Variants in CKAP2L observed in about 807,000 individuals in gnomAD.
CKAP2L encodes cytoskeleton-associated protein 2-like.
In CKAP2L, 42 loss-of-function variants were observed where a neutral mutation model predicts 65.7. That is an observed-to-expected ratio of 0.64 (90% CI 0.50 to 0.83). The LOEUF (loss-of-function observed/expected upper bound fraction) is 0.83, where lower values mean the gene tolerates loss of function less well. Ranked by LOEUF, CKAP2L falls within the 40% of genes least tolerant of loss-of-function variation. The pLI, the probability that CKAP2L is intolerant of heterozygous loss-of-function variation, is 0.00. For synonymous variants in CKAP2L, 325 were observed against 313.5 expected (o/e 1.04, Z -0.39); for missense variants, 908 against 871.0 (o/e 1.04, Z -0.53).
chr2:112,759,323 C>T (rs1034519770), intron 3 of CKAP2L, among the ~76,000 whole-genome samples: 3 of 152,130 alleles, frequency 2.0e-5, no homozygotes, highest in Admixed American at 1.3e-4. Flanking sequence ...TGTATATAAA[C>T]ATGTCTGGGT....
Position 112,741,015 on chromosome 2 carries a change from T to G in CKAP2L, c.1823-8A>C, listed in dbSNP as rs910339737. 1.1e-5 allele frequency: 17 copies of G among 1,574,592 alleles called. No individual in the cohort carries two copies. The African/African-American group carries it at 1.9e-4, about 18-fold the overall frequency. On this transcript the variant is annotated splice_polypyrimidine_tract_variant and splice_region_variant and intron_variant, in intron 7 of 8. Transcript: ENST00000302450. ...AAGAGTCAGAAGTAATCCCTGTGTA[T>G]GTAAGATCATGAAGGAAAGTAAGAT...
intron 4 of CKAP2L, among the ~76,000 whole-genome samples, chr2:112,753,766 G>A (rs1680451728): frequency 6.6e-6 from 1 of 152,062 alleles, no homozygotes; most frequent in Admixed American, 6.5e-5. Flanking sequence ...GACCTCAAGT[G>A]ATCTGACCAC....
intron 5 of CKAP2L, among the ~76,000 whole-genome samples, chr2:112,750,670 T>C (rs1680346309): frequency 6.6e-6 from 1 of 152,208 alleles, no homozygotes; most frequent in Non-Finnish European, 1.5e-5. Context: ...AATTACATTC[T>C]TTCTGTGGTT....
intron 5 of CKAP2L, among the ~76,000 whole-genome samples, chr2:112,747,024 C>T (rs560866276): frequency 5.9e-5 from 9 of 151,854 alleles, no homozygotes; most frequent in East Asian, 3.9e-4. Flanking sequence ...CTCCTGACCT[C>T]GTGATCCGCC....
intron 2 of CKAP2L, among the ~76,000 whole-genome samples, chr2:112,761,815 A>G (rs1680732091): frequency 6.6e-6 from 1 of 152,244 alleles, no homozygotes; most frequent in African/African-American, 2.4e-5. Flanking sequence ...TAGGTACTAA[A>G]TAAATATTTG....
chr2:112,760,892 C>A, intron 2 of CKAP2L, 128 bp from the exon 3 acceptor site: 2 of 599,602 alleles, frequency 3.3e-6, no homozygotes, highest in Non-Finnish European at 3.0e-6. Flanking sequence ...CAAAATAATT[C>A]AAAATTATAT....
intron 2 of CKAP2L, among the ~76,000 whole-genome samples, chr2:112,761,567 G>T (rs776236063): frequency 1.6e-5 from 2 of 122,692 alleles, no homozygotes; most frequent in Non-Finnish European, 3.4e-5. Context: ...AAAAAACCAA[G>T]ACACACATGA....
Position 112,742,922 on chromosome 2 carries a change from T to C in CKAP2L, c.1759-153A>G, listed in dbSNP as rs1044232157. On this transcript the variant is annotated intron_variant, in intron 6 of 8. Transcript: ENST00000302450. ...TCTTTTGTCTAGCTTGACAGTTTTA[T>C]AGCTTCATGAGAAAAGTAAAGGAAC... The C allele has an allele frequency of 3.0e-5, 18 of 590,398 alleles. No homozygotes were observed. In the Middle Eastern group the frequency reaches 1.3e-3, roughly 43 times the overall value. The allele number at this position is 590,398 out of a possible 1,614,324, so 36.6% of individuals were successfully genotyped here.
intron 3 of CKAP2L, among the ~76,000 whole-genome samples, chr2:112,760,332 A>G (rs150386649): frequency 2.3e-3 from 343 of 152,294 alleles, no homozygotes; most frequent in African/African-American, 7.9e-3. Flanking sequence ...TAATAGCTAT[A>G]CGACCTATTT....
chr2:112,760,766 T>A lies in CKAP2L; in HGVS notation c.105-2A>T. ...TTATTCTTGGATTTTAGATAAGGCC[T>A]ATAAAAGACAAATTAAAATTAATCC... On this transcript the variant is annotated splice_acceptor_variant, in intron 2 of 8. Transcript: ENST00000302450. LOFTEE classifies it high-confidence loss of function. 1 of 1,468,306 alleles carries A rather than the reference T, an allele frequency of 6.8e-7. No individual in the cohort carries two copies. The highest frequency in any genetic ancestry group is 9.4e-7 in the Non-Finnish European group (1 of 1,063,152). The allele number at this position is 1,468,306 out of a possible 1,614,324, so 91.0% of individuals were successfully genotyped here.
chr2:112,746,411 G>A lies in CKAP2L; in HGVS notation c.1758+9C>T, dbSNP rs780261360. The A allele has an allele frequency of 1.2e-6, 2 of 1,604,436 alleles. No individual in the cohort carries two copies. The highest frequency in any genetic ancestry group is 1.7e-6 in the Non-Finnish European group (2 of 1,173,270). On this transcript the variant is annotated intron_variant, in intron 6 of 8. Transcript: ENST00000302450. The stretch of plus-strand genomic sequence containing the variant: ...TTTAAGAAGTTACCCACCCAAGACA[G>A]ATACTCACTGTTGCCCCATTTTTAA...
chr2:112,740,941 A>G lies in CKAP2L; in HGVS notation c.1889T>C (p.Met630Thr). The change falls in exon 8 of 9, where the codon ATG becomes ACG. Residue 630 changes from methionine (M) to threonine (T), a missense_variant. By Grantham distance (81) the Met-to-Thr change is moderately conservative. Transcript: ENST00000302450. ...ITSVEELAKK[M>T]ESVKSCLSPK... ...AGAAAGACAAGACTTCACAGATTCCATCTTCTTGGCCAGCTCTTCCACTGA... is the reference window on the plus strand; with the variant it reads ...AGAAAGACAAGACTTCACAGATTCCGTCTTCTTGGCCAGCTCTTCCACTGA... 6.2e-7 allele frequency: 1 copy of G among 1,613,976 alleles called. No homozygotes were observed.
At position 112,757,019 on chromosome 2, in the gene CKAP2L, T is replaced by C. The variant is rs373088142; in HGVS notation, c.352A>G (p.Ser118Gly). ...GCTTCACACTGTTGAAAACTCTTGC[T>C]AGAAGGCTTAGAGTATGGGTTAGAA... Reference protein sequence around the residue: ...VSSNPYSKPSSKSFQQCEAGS... With the variant: ...VSSNPYSKPSGKSFQQCEAGS... The change falls in exon 4 of 9, where the codon AGC becomes GGC. Residue 118 changes from serine to glycine, a missense_variant. Coordinates refer to ENST00000302450, the MANE Select transcript of CKAP2L (RefSeq NM_152515.5). The C allele has an allele frequency of 6.2e-7, 1 of 1,614,196 alleles. No homozygotes were observed. The highest frequency in any genetic ancestry group is 8.5e-7 in the Non-Finnish European group (1 of 1,180,002).
At chr2:112,759,849 A>T (rs1365077790) in intron 3 of CKAP2L, among the ~76,000 whole-genome samples, 1 of 151,822 alleles carries the variant, frequency 6.6e-6, no homozygotes, top group African/African-American at 2.4e-5. Context: ...ACCAGTGAGA[A>T]TTTTTCACTT....
rs113269180 is a variant in CKAP2L at position 112,745,671 on chromosome 2, G to T, written c.1758+749C>A. Among the ~76,000 whole-genome samples the T allele has an allele frequency of 7.9e-5, 12 of 152,224 alleles. 2 individuals carry two copies. The highest frequency in any genetic ancestry group is 2.9e-4 in the African/African-American group (12 of 41,538). On this transcript the variant is annotated intron_variant, in intron 6 of 8. Transcript: ENST00000302450. ...GCTGGGATTACAGGCGTGAAACACCGTGCCCAGCCCATATATTTCTTATAT... is the reference window on the plus strand; with the variant it reads ...GCTGGGATTACAGGCGTGAAACACCTTGCCCAGCCCATATATTTCTTATAT...
chr2:112,757,843 C>T (rs56886296), intron 3 of CKAP2L, among the ~76,000 whole-genome samples: 6 of 152,124 alleles, frequency 3.9e-5, no homozygotes, highest in African/African-American at 1.4e-4. Flanking sequence ...CTATTATATC[C>T]TAAGTGCCCT....
chr2:112,740,877 T>C lies in CKAP2L; in HGVS notation c.1953A>G (p.Ile651Met). The C allele has an allele frequency of 6.2e-7, 1 of 1,614,196 alleles. No individual in the cohort carries two copies. The highest frequency in any genetic ancestry group is 8.5e-7 in the Non-Finnish European group (1 of 1,180,010). The change falls in exon 8 of 9, where the codon ATA (isoleucine) becomes ATG (methionine). Residue 651 changes from isoleucine (I) to methionine (M), a missense_variant. Transcript: ENST00000302450. ...GATAATTATGCTGTTCTGCCTTGGCTATTCGGGGTGTCGCCGTGACTTGTT... is the reference window on the plus strand; with the variant it reads ...GATAATTATGCTGTTCTGCCTTGGCCATTCGGGGTGTCGCCGTGACTTGTT... ...EREQVTATPR[I>M]AKAEQHNYPG...
At chr2:112,744,724 C>A (rs569049132) in intron 6 of CKAP2L, among the ~76,000 whole-genome samples, 1 of 152,254 alleles carries the variant, frequency 6.6e-6, no homozygotes, top group African/African-American at 2.4e-5. Flanking sequence ...ATAACTTGAC[C>A]AGCTTAAGAG....
At chr2:112,744,603 T>A (rs868797282) in intron 6 of CKAP2L, among the ~76,000 whole-genome samples, 1 of 152,152 alleles carries the variant, frequency 6.6e-6, no homozygotes, top group African/African-American at 2.4e-5. Context: ...GAAAAGGAGA[T>A]AAGCAAAAGT....
Sources: gnomAD v4.1 joint callset for allele counts (sites outside exome capture counted in the v4.1 genomes callset) on GRCh38, gnomAD v4.1.1 for gene constraint, MANE v1.5 for transcripts, NCBI Gene and HGNC (gene_info 2026-07-23, HGNC 2026-07-21) for gene names.